SUCLG2: variants seen among roughly 807,000 people sequenced by gnomAD.
SUCLG2 encodes succinate-CoA ligase GDP-forming subunit beta.
A neutral mutation model predicts 47.9 loss-of-function variants in SUCLG2; 42 were observed. The ratio of observed to expected loss-of-function variants is 0.88; its 90% confidence interval spans 0.69 to 1.14. The LOEUF (loss-of-function observed/expected upper bound fraction) is 1.14. SUCLG2 is among the 50% of genes most tolerant of loss of function. The probability of loss-of-function intolerance (pLI) is 0.00; values close to 1 mark genes in which losing one functional copy is unlikely to be tolerated. For missense variants in SUCLG2, 571 were observed against 525.9 expected, an observed-to-expected ratio of 1.09 and a Z score of -0.84; for synonymous variants, 195 against 197.3, an observed-to-expected ratio of 0.99 and a Z score of 0.10.
intron 9 of SUCLG2, among the ~76,000 whole-genome samples, chr3:67,461,497 A>G (rs1704332468): frequency 1.3e-5 from 2 of 151,610 alleles, no homozygotes; most frequent in Non-Finnish European, 3.0e-5. Flanking sequence ...ATCATATATT[A>G]TGTATCAGGT....
intron 10 of SUCLG2, among the ~76,000 whole-genome samples, chr3:67,400,080 G>A (rs975304759): frequency 6.6e-6 from 1 of 152,078 alleles, no homozygotes; most frequent in Admixed American, 6.5e-5. Context: ...ACATATGTCT[G>A]TGAGGCCAGA....
intron 9 of SUCLG2, chr3:67,408,655 C>A: frequency 9.1e-7 from 1 of 1,094,416 alleles, no homozygotes; most frequent in Non-Finnish European, 1.1e-6. Context: ...CTATTCTCTT[C>A]TTCCTAAATT....
At chr3:67,593,796 T>C (rs1468848476) in intron 2 of SUCLG2, among the ~76,000 whole-genome samples, 1 of 152,190 alleles carries the variant, frequency 6.6e-6, no homozygotes, top group African/African-American at 2.4e-5. Context: ...TGGTGAACTT[T>C]TTATAAGATA....
chr3:67,600,718 T>C (rs1708400917), intron 2 of SUCLG2, among the ~76,000 whole-genome samples: 1 of 152,234 alleles, frequency 6.6e-6, no homozygotes, highest in Non-Finnish European at 1.5e-5. Context: ...TTAGCTGAAA[T>C]GACACAGTCC....
chr3:67,564,499 A>G (rs1326090126), intron 2 of SUCLG2, among the ~76,000 whole-genome samples: 2 of 152,218 alleles, frequency 1.3e-5, no homozygotes, highest in African/African-American at 4.8e-5. Flanking sequence ...CATTCACCAA[A>G]ATGGACATGA....
At chr3:67,543,534 G>T (rs1706775214) in intron 2 of SUCLG2, among the ~76,000 whole-genome samples, 1 of 152,012 alleles carries the variant, frequency 6.6e-6, no homozygotes, top group Non-Finnish European at 1.5e-5. Flanking sequence ...TGGCATAGTG[G>T]CATACCTGTA....
chr3:67,633,608 C>G (rs1408344407), intron 1 of SUCLG2, among the ~76,000 whole-genome samples: 4 of 152,138 alleles, frequency 2.6e-5, no homozygotes, highest in Non-Finnish European at 2.9e-5. Flanking sequence ...CAGGAAAATA[C>G]CTAGTTGTAG....
intron 1 of SUCLG2, among the ~76,000 whole-genome samples, chr3:67,628,958 G>A (rs1700881706): frequency 6.6e-6 from 1 of 152,202 alleles, no homozygotes; most frequent in African/African-American, 2.4e-5. Context: ...CAGGGGAAGA[G>A]AACAAGGAAG....
chr3:67,370,634 C>T (rs535407047), downstream of SUCLG2, among the ~76,000 whole-genome samples: 1 of 152,116 alleles, frequency 6.6e-6, no homozygotes, highest in Non-Finnish European at 1.5e-5. Context: ...AGACATATAT[C>T]CTTATGGAAA....
At chr3:67,438,723 T>C (rs541212844) in intron 9 of SUCLG2, among the ~76,000 whole-genome samples, 2 of 151,960 alleles carry the variant, frequency 1.3e-5, no homozygotes, top group Admixed American at 1.3e-4. Flanking sequence ...AATAACAAGC[T>C]CTGAAATTGA....
At chr3:67,515,871 C>T (rs1705930936) in intron 6 of SUCLG2, among the ~76,000 whole-genome samples, 2 of 152,180 alleles carry the variant, frequency 1.3e-5, no homozygotes, top group Non-Finnish European at 2.9e-5. Flanking sequence ...ATCCCTTCTA[C>T]TGTAGAAATA....
chr3:67,557,324 T>C (rs1050123056), intron 2 of SUCLG2, among the ~76,000 whole-genome samples: 1 of 152,212 alleles, frequency 6.6e-6, no homozygotes, highest in African/African-American at 2.4e-5. Flanking sequence ...CTGATGTTTC[T>C]AATGAAGAGA....
chr3:67,405,666 A>G (rs1428315785), intron 9 of SUCLG2, among the ~76,000 whole-genome samples: 1 of 152,184 alleles, frequency 6.6e-6, no homozygotes, highest in Non-Finnish European at 1.5e-5. Context: ...TGCACACCAT[A>G]TGTATTCAGG....
chr3:67,623,513 A>G (rs1432179583), intron 1 of SUCLG2, among the ~76,000 whole-genome samples: 1 of 152,190 alleles, frequency 6.6e-6, no homozygotes, highest in Non-Finnish European at 1.5e-5. Context: ...GAAACAAAAA[A>G]TAAGAAAGAA....
At chr3:67,427,790 T>G (rs1285585996) in intron 9 of SUCLG2, among the ~76,000 whole-genome samples, 1 of 152,166 alleles carries the variant, frequency 6.6e-6, no homozygotes, top group African/African-American at 2.4e-5. Context: ...CCAACAGTCT[T>G]AGCAAATGGC....
downstream of SUCLG2, among the ~76,000 whole-genome samples, chr3:67,373,414 T>A (rs1701979996): frequency 6.6e-6 from 1 of 152,140 alleles, no homozygotes; most frequent in Non-Finnish European, 1.5e-5. Flanking sequence ...GCAAATAGCC[T>A]TTTATTTTCA....
chr3:67,542,304 C>G (rs1165463983), intron 2 of SUCLG2, among the ~76,000 whole-genome samples: 4 of 152,154 alleles, frequency 2.6e-5, no homozygotes, highest in Non-Finnish European at 5.9e-5. Context: ...ACCACCAGGC[C>G]TGCCTTACAA....
chr3:67,588,155 T>C (rs964293740), intron 2 of SUCLG2, among the ~76,000 whole-genome samples: 3 of 152,242 alleles, frequency 2.0e-5, no homozygotes, highest in Non-Finnish European at 2.9e-5. Flanking sequence ...GCTGCTTCTA[T>C]GTTACACATC....
rs12635806 is a variant in SUCLG2, at chr3:67,653,867, C to A, written c.84+636G>T. On this transcript the variant is annotated intron_variant, in intron 1 of 10. Coordinates refer to ENST00000307227, the MANE Select transcript of SUCLG2 (RefSeq NM_003848.4). ...CCTCTTTGATTTCATTCTCCATCAA[C>A]AAGGAGGACATGGACAGGGTCAATG... 7.4e-3 allele frequency among the ~76,000 whole-genome samples: 1,130 copies of A among 152,322 alleles called. 26 individuals are homozygous for A. Among genetic ancestry groups the A allele is most frequent in the Admixed American group, 0.035 (533 of 15,300 alleles).
Sources: gnomAD v4.1 joint callset for allele counts (sites outside exome capture counted in the v4.1 genomes callset) on GRCh38, gnomAD v4.1.1 for gene constraint, MANE v1.5 for transcripts, NCBI Gene and HGNC (gene_info 2026-07-23, HGNC 2026-07-21) for gene names.